The following PARD3B variants were observed in gnomAD, a reference collection of about 807,000 sequenced individuals.
PARD3B encodes the protein par-3 family cell polarity regulator beta.
A neutral mutation model predicts 130.2 loss-of-function variants in PARD3B; 103 were observed. The ratio of observed to expected loss-of-function variants is 0.79; its 90% CI spans 0.67 to 0.93. The LOEUF (loss-of-function observed/expected upper bound fraction) is 0.93, where lower values mean the gene tolerates loss of function less well. PARD3B is among the 40% of genes least tolerant of loss of function. The pLI, the probability that PARD3B is intolerant of heterozygous loss-of-function variation, is 0.00. For synonymous variants in PARD3B, 583 were observed against 553.2 expected (o/e 1.05, Z -0.76); for missense variants, 1,609 against 1,499.2 (o/e 1.07, Z -1.21).
chr2:204,826,045 T>C (rs1283490639), intron 2 of PARD3B, among the ~76,000 whole-genome samples: 1 of 152,196 alleles, frequency 6.6e-6, no homozygotes, highest in Non-Finnish European at 1.5e-5. Context: ...TTTTATTGCT[T>C]TTTCTGAGGA....
At chr2:205,412,535 A>G (rs536974046) in intron 19 of PARD3B, among the ~76,000 whole-genome samples, 10 of 152,208 alleles carry the variant, frequency 6.6e-5, no homozygotes, top group Non-Finnish European at 1.5e-4. Flanking sequence ...TGCTTTGATC[A>G]AAGTCATTCC....
chr2:204,758,333 G>C (rs1011817), intron 2 of PARD3B, among the ~76,000 whole-genome samples: 3 of 151,894 alleles, frequency 2.0e-5, no homozygotes, highest in African/African-American at 7.3e-5. Flanking sequence ...CCTAAGGCAT[G>C]TTTCACTGGG....
intron 2 of PARD3B, among the ~76,000 whole-genome samples, chr2:204,916,772 C>T (rs1370723769): frequency 6.6e-6 from 1 of 152,000 alleles, no homozygotes; most frequent in East Asian, 1.9e-4. Flanking sequence ...AAATTTTGAC[C>T]ATTTACATAA....
intron 2 of PARD3B, among the ~76,000 whole-genome samples, chr2:204,921,106 C>T (rs971088284): frequency 3.3e-5 from 5 of 152,160 alleles, no homozygotes; most frequent in Non-Finnish European, 7.4e-5. Context: ...TTTTCCTAAG[C>T]TTTGATGAAT....
In PARD3B at chr2:205,492,363, G is replaced by C. The variant is rs1449822043; in HGVS notation, c.3045-7533G>C. Among the ~76,000 whole-genome samples, 23 of 152,068 alleles carry C rather than the reference G, an allele frequency of 1.5e-4. 1 individual carries two copies. The highest frequency in any genetic ancestry group is 1.5e-3 in the Admixed American group (23 of 15,252). ...ACATAGAATATTATAGGCAATTATA[G>C]TAAACAAAGACCCCTTAATTTAGAG... On this transcript the variant is annotated intron_variant, in intron 20 of 22. Transcript: ENST00000406610.
At chr2:205,249,054 G>A (rs2039716376) in intron 16 of PARD3B, among the ~76,000 whole-genome samples, 2 of 138,614 alleles carry the variant, frequency 1.4e-5, no homozygotes, top group Admixed American at 7.6e-5. Context: ...GTGTCACCCA[G>A]GCTGGAGTGT....
chr2:204,728,529 G>A (rs1574831254), intron 2 of PARD3B, among the ~76,000 whole-genome samples: 1 of 152,200 alleles, frequency 6.6e-6, no homozygotes, highest in East Asian at 1.9e-4. Flanking sequence ...GAGATTTGTT[G>A]GAATGAGATT....
At chr2:205,076,750 C>T (rs1701088116) in intron 4 of PARD3B, among the ~76,000 whole-genome samples, 2 of 151,662 alleles carry the variant, frequency 1.3e-5, no homozygotes, top group South Asian at 2.1e-4. Context: ...AGAGGTGGAA[C>T]CATTTCATCC....
At chr2:205,536,847 A>G (rs1179757401) in intron 21 of PARD3B, among the ~76,000 whole-genome samples, 1 of 152,146 alleles carries the variant, frequency 6.6e-6, no homozygotes, top group Non-Finnish European at 1.5e-5. Context: ...CAGTAGGAAG[A>G]GTTCTGGGGC....
intron 2 of PARD3B, among the ~76,000 whole-genome samples, chr2:204,787,129 A>G (rs987324042): frequency 1.3e-5 from 2 of 149,022 alleles, no homozygotes; most frequent in South Asian, 4.3e-4. Context: ...AATCCCCTTC[A>G]TGTGCTATTT....
intron 16 of PARD3B, among the ~76,000 whole-genome samples, chr2:205,254,876 G>A (rs916962388): frequency 6.6e-6 from 1 of 151,600 alleles, no homozygotes; most frequent in Non-Finnish European, 1.5e-5. Flanking sequence ...ATGTTGGTCA[G>A]GATGGTCTCG....
At chr2:205,048,131 T>TC (rs1368980918) in intron 4 of PARD3B, 1 of 152,986 alleles carries the variant, frequency 6.5e-6, no homozygotes, top group Non-Finnish European at 1.5e-5. Context: ...TCCTTCATCT[T>TC]CCAGTTTCGT....
intron 2 of PARD3B, among the ~76,000 whole-genome samples, chr2:204,737,989 A>ATTTATACTT (rs1418291224): frequency 6.6e-4 from 100 of 152,284 alleles, no homozygotes; most frequent in African/African-American, 2.3e-3. Flanking sequence ...TATAATTCAA[A>ATTTATACTT]GTCCAGTCAT....
intron 2 of PARD3B, among the ~76,000 whole-genome samples, chr2:204,809,064 T>C (rs1235014276): frequency 6.6e-6 from 1 of 152,090 alleles, no homozygotes; most frequent in Non-Finnish European, 1.5e-5. Context: ...TGTGTTGGCC[T>C]CATGTGTGTT....
intron 2 of PARD3B, among the ~76,000 whole-genome samples, chr2:204,790,707 C>G (rs2125474384): frequency 6.6e-6 from 1 of 152,264 alleles, no homozygotes; most frequent in East Asian, 1.9e-4. Context: ...ATCCTGGCCT[C>G]TAGGTTGTTG....
Position 204,970,930 on chromosome 2 carries a change from G to T in PARD3B, c.394+5607G>T, listed in dbSNP as rs150449022. ...GACTTGAAAGCTGAAAGGTGCCTCA[G>T]ATGCTTTATTGTTTCCATGTGTGTT... On this transcript the variant is annotated intron_variant, in intron 3 of 22. Transcript: ENST00000406610. 2.1e-3 allele frequency among the ~76,000 whole-genome samples: 322 copies of T among 152,296 alleles called. 3 individuals carry two copies. The highest frequency in any genetic ancestry group is 7.4e-3 in the African/African-American group (308 of 41,568).
chr2:204,655,293 C>G (rs1474376046), intron 1 of PARD3B, among the ~76,000 whole-genome samples: 1 of 152,152 alleles, frequency 6.6e-6, no homozygotes, highest in African/African-American at 2.4e-5. Context: ...ATACTGCTCC[C>G]TAAAGTTATG....
chr2:204,650,490 A>C (rs1377114682), intron 1 of PARD3B, among the ~76,000 whole-genome samples: 1 of 152,212 alleles, frequency 6.6e-6, no homozygotes, highest in Non-Finnish European at 1.5e-5. Flanking sequence ...AAGACATGGA[A>C]TCAACCTAAA....
At chr2:205,148,337 C>T (rs1388822991) in intron 10 of PARD3B, among the ~76,000 whole-genome samples, 2 of 152,054 alleles carry the variant, frequency 1.3e-5, no homozygotes, top group African/African-American at 4.8e-5. Context: ...TGTGCCTGCT[C>T]ATCTCTCATC....
Sources: allele counts gnomAD v4.1 joint callset (sites outside exome capture counted in the v4.1 genomes callset), GRCh38; gene constraint gnomAD v4.1.1; transcripts MANE v1.5; gene names NCBI Gene and HGNC (gene_info 2026-07-23, HGNC 2026-07-21).